Variants in SPATA1 observed in about 807,000 individuals in gnomAD.
SPATA1 encodes spermatogenesis-associated protein 1.
A neutral mutation model predicts 59.6 loss-of-function variants in SPATA1; 57 were observed. The observed-to-expected ratio is 0.96, with a 90% CI of 0.77 to 1.19. The LOEUF is 1.19. Among genes scored for constraint, SPATA1 ranks in the 50% most tolerant of loss-of-function variants. The probability of loss-of-function intolerance (pLI) is 0.00; values close to 1 mark genes in which losing one functional copy is unlikely to be tolerated. For synonymous variants in SPATA1, 147 were observed against 163.9 expected, an observed-to-expected ratio of 0.90 and a Z score of 0.79; for missense variants, 448 against 480.7, an observed-to-expected ratio of 0.93 and a Z score of 0.64.
At chr1:84,551,711 A>G (rs984775933) in intron 12 of SPATA1, 3 of 152,186 alleles carry the variant, frequency 2.0e-5, no homozygotes, top group African/African-American at 7.2e-5. Context: ...AAAAGAGCAG[A>G]GGATAATTTT....
chr1:84,537,925 A>T (rs1271133403), intron 8 of SPATA1, among the ~76,000 whole-genome samples: 1 of 152,204 alleles, frequency 6.6e-6, no homozygotes, highest in Admixed American at 6.5e-5. Context: ...CAGAATCCTC[A>T]TACTGCCTCC....
chr1:84,552,072 A>G (rs917403265), intron 12 of SPATA1: 1 of 152,162 alleles, frequency 6.6e-6, no homozygotes, highest in African/African-American at 2.4e-5. Context: ...GGGGGAAAAA[A>G]TCCTGTATTT....
At chr1:84,529,345 A>G (rs1039961954) in intron 6 of SPATA1, among the ~76,000 whole-genome samples, 17 of 151,780 alleles carry the variant, frequency 1.1e-4, no homozygotes, top group Middle Eastern at 3.4e-3. Flanking sequence ...ATTTATTGCT[A>G]CTTACTCAGA....
At chr1:84,555,034 A>C (rs1182209976), downstream of SPATA1, 1 of 1,613,954 alleles carries the variant, frequency 6.2e-7, no homozygotes, top group East Asian at 2.2e-5. Context: ...AAGACTTCCC[A>C]CATTTCTTCA....
chr1:84,555,350 T>C (rs1480852674), downstream of SPATA1: 1 of 559,184 alleles, frequency 1.8e-6, no homozygotes, highest in Admixed American at 3.6e-5. Context: ...GAAATAAAAA[T>C]TTTAGGGCAT....
intron 2 of SPATA1, 193 bp from the exon 3 acceptor site, chr1:84,520,392 T>G (rs1682973450): frequency 2.1e-6 from 1 of 478,042 alleles, no homozygotes; most frequent in Non-Finnish European, 3.6e-6. Flanking sequence ...CAAGGGAAAA[T>G]GTACTCCAAG....
intron 1 of SPATA1, among the ~76,000 whole-genome samples, chr1:84,509,293 G>A (rs867598042): frequency 8.2e-4 from 125 of 151,866 alleles, no homozygotes; most frequent in African/African-American, 2.7e-3. Flanking sequence ...CGTTTTTTAC[G>A]AAGGTGCCAA....
intron 4 of SPATA1, among the ~76,000 whole-genome samples, chr1:84,525,456 A>C (rs1683176972): frequency 6.6e-6 from 1 of 152,216 alleles, no homozygotes; most frequent in Non-Finnish European, 1.5e-5. Flanking sequence ...CCAGGGACAT[A>C]GTAAGTCCAT....
rs1383226129 is a variant in SPATA1 at position 84,533,780 on chromosome 1, T to C, written c.717+14T>C. 13 of 1,530,220 alleles carry C rather than the reference T, an allele frequency of 8.5e-6. No homozygotes were observed. Among genetic ancestry groups the C allele is most frequent in the Non-Finnish European group, 1.1e-5 (13 of 1,131,974 alleles). 94.8% of individuals were successfully genotyped at this position (1,530,220 alleles called of 1,614,324 possible). On this transcript the variant is annotated intron_variant, in intron 8 of 12. Transcript: ENST00000490879. ...CAGGACAATCAGGTACTATTTAAAA[T>C]TTTTTGTTTAAACATGGTATTGCAA...
downstream of SPATA1, among the ~76,000 whole-genome samples, chr1:84,558,896 G>A (rs1014571504): frequency 2.0e-5 from 3 of 151,114 alleles, no homozygotes; most frequent in Admixed American, 6.6e-5. Context: ...GCAAAACCTC[G>A]TCTAAAAAAA....
intron 3 of SPATA1, 67 bp from the exon 4 acceptor site, chr1:84,522,323 A>T: frequency 2.3e-6 from 2 of 853,804 alleles, no homozygotes; most frequent in Non-Finnish European, 3.4e-6. Flanking sequence ...GACTAAAGTT[A>T]TTGAATCATT....
chr1:84,557,691 T>TA (rs1052657623), downstream of SPATA1, among the ~76,000 whole-genome samples: 8 of 150,846 alleles, frequency 5.3e-5, no homozygotes, highest in Non-Finnish European at 8.9e-5. Flanking sequence ...CCGTCTCTAT[T>TA]AAAAAAATAC....
chr1:84,554,109 T>C (rs889390078), exon 13 of SPATA1: 1 of 151,880 alleles, frequency 6.6e-6, no homozygotes, highest in Non-Finnish European at 1.5e-5. Context: ...AGACCCTGTC[T>C]CTACAAAAAA....
intron 12 of SPATA1, chr1:84,552,983 C>T: frequency 8.3e-7 from 1 of 1,204,044 alleles, no homozygotes; most frequent in Non-Finnish European, 1.2e-6. Context: ...CTATGATGTA[C>T]TTTTAGAAGG....
chr1:84,506,990 T>G (rs1682287872), intron 1 of SPATA1: 1 of 152,230 alleles, frequency 6.6e-6, no homozygotes, highest in African/African-American at 2.4e-5. Context: ...CTTATTTTTG[T>G]GTTTCCGGAA....
At chr1:84,529,576 CT>C (rs761561650) in intron 6 of SPATA1, among the ~76,000 whole-genome samples, 182 of 91,360 alleles carry the variant, frequency 2.0e-3, no homozygotes, top group African/African-American at 5.1e-3. Context: ...GGTAATATGC[CT>C]TTTTTTTTTT....
chr1:84,530,024 T>A (rs1457221846), intron 6 of SPATA1, among the ~76,000 whole-genome samples: 1 of 152,024 alleles, frequency 6.6e-6, no homozygotes, highest in Non-Finnish European at 1.5e-5. Context: ...GCCCGGCTAA[T>A]TTTTTTGTGT....
At chr1:84,510,153 A>C (rs1682474087) in intron 1 of SPATA1, among the ~76,000 whole-genome samples, 1 of 152,154 alleles carries the variant, frequency 6.6e-6, no homozygotes, top group South Asian at 2.1e-4. Flanking sequence ...GGCAACAGAG[A>C]AGCCCTGTCT....
chr1:84,553,833 T>C (rs1684348113), exon 13 of SPATA1: 1 of 152,170 alleles, frequency 6.6e-6, no homozygotes, highest in South Asian at 2.1e-4. Flanking sequence ...AAGATACAGA[T>C]TTTTAATCTG....
Sources: gnomAD v4.1 joint callset for allele counts (sites outside exome capture counted in the v4.1 genomes callset) on GRCh38, gnomAD v4.1.1 for gene constraint, MANE v1.5 for transcripts, NCBI Gene and HGNC (gene_info 2026-07-23, HGNC 2026-07-21) for gene names.